The following TRANK1 variants were observed in gnomAD, a reference collection of about 807,000 sequenced individuals.
The protein encoded by TRANK1 is tetratricopeptide repeat and ankyrin repeat containing 1.
TRANK1 carries 198 observed loss-of-function variants against 266.0 expected under a neutral mutation model. The ratio of observed to expected loss-of-function variants is 0.74; its 90% CI spans 0.66 to 0.84. TRANK1 has a LOEUF of 0.84. TRANK1 is among the 40% of genes least tolerant of loss of function. The probability of loss-of-function intolerance (pLI) is 0.00; values close to 1 mark genes in which losing one functional copy is unlikely to be tolerated. For synonymous variants in TRANK1, 1,396 were observed against 1,384.1 expected (o/e 1.01, Z -0.19); for missense variants, 3,326 against 3,634.6 (o/e 0.92, Z 2.18).
In TRANK1 at chr3:36,857,286, A is replaced by G; in HGVS notation, c.2436T>C (p.Asp812=). The change falls in exon 13 of 24, where the codon GAT becomes GAC. Residue 812 remains aspartate, a synonymous_variant. Transcript: ENST00000645898. The surrounding 1 kb of genome is among the most constrained non-coding windows in gnomAD (Gnocchi z 4.3). ...PDDNRGKEGN[D]DQDDWSTQEI... ...CCTGCGTGCTCCAGTCATCCTGATC[A>G]TCATTGCCCTCCTTCCCCCTGTTAT... The G allele has an allele frequency of 1.9e-6, 3 of 1,610,364 alleles. No individual in the cohort carries two copies. The highest frequency in any genetic ancestry group is 2.2e-5 in the East Asian group (1 of 44,868).
At chr3:36,878,234 A>G (rs1487895776) in intron 8 of TRANK1, among the ~76,000 whole-genome samples, 1 of 152,178 alleles carries the variant, frequency 6.6e-6, no homozygotes, top group Non-Finnish European at 1.5e-5. Flanking sequence ...TTGAGAATCT[A>G]ACTAATGCCT....
chr3:36,832,132 G>C lies in TRANK1; in HGVS notation c.7451C>G (p.Ala2484Gly). ...CAGGAACTCCCAGTAGTGCAAGAGT[G>C]CAATGTAGCTCTTGGGGAGGCATAG... is the stretch of plus-strand genomic sequence containing the variant. The part of the protein sequence containing the change: ...VILCLPKSYI[A>G]LLHYWEFLFS... Residue 2484 changes from alanine (A) to glycine (G), a missense_variant, in exon 22 of 24, where the codon GCA becomes GGA. Ala to Gly is a moderately conservative substitution (Grantham distance 60). Transcript: ENST00000645898. 1 of 1,613,956 alleles carries C rather than the reference G, an allele frequency of 6.2e-7. No homozygotes were observed. Among genetic ancestry groups the C allele is most frequent in the Non-Finnish European group, 8.5e-7 (1 of 1,179,876 alleles).
At chr3:36,943,008 C>T (rs971393092) in intron 1 of TRANK1, among the ~76,000 whole-genome samples, 18 of 152,236 alleles carry the variant, frequency 1.2e-4, no homozygotes, top group South Asian at 8.3e-4. Flanking sequence ...TGGCGAAACA[C>T]CGTCTCCACT....
chr3:36,923,002 G>A (rs887026999), intron 1 of TRANK1, among the ~76,000 whole-genome samples: 2 of 152,106 alleles, frequency 1.3e-5, no homozygotes, highest in Non-Finnish European at 2.9e-5. Context: ...GTGCTCCTGT[G>A]CAAATAACTT....
chr3:36,914,692 C>A (rs2080101225), intron 1 of TRANK1, among the ~76,000 whole-genome samples: 1 of 151,978 alleles, frequency 6.6e-6, no homozygotes, highest in South Asian at 2.1e-4. Context: ...GGCTGGAGTG[C>A]AATGGCGCGA....
Position 36,908,342 on chromosome 3 carries a change from G to A in TRANK1, c.136C>T (p.Leu46=). The A allele has an allele frequency of 8.1e-7, 1 of 1,232,242 alleles. No homozygotes were observed. Among genetic ancestry groups the A allele is most frequent in the Non-Finnish European group, 1.0e-6 (1 of 987,986 alleles). 76.3% of individuals were successfully genotyped at this position (1,232,242 alleles called of 1,614,324 possible). The change falls in exon 2 of 24, where the codon CTG becomes TTG. Residue 46 remains leucine, a synonymous_variant. Coordinates refer to ENST00000645898, the MANE Select transcript of TRANK1 (RefSeq NM_001329998.2). ...RKYDEAIQIL[L]QLYQWGVPPR... is the part of the protein sequence containing the mutation. Reference sequence around the variant, plus strand: ...ACTTACCCCCACTGGTATAACTGCAGGAGAATCTGGATGGCTTCATCGTAC... The same window carrying A: ...ACTTACCCCCACTGGTATAACTGCAAGAGAATCTGGATGGCTTCATCGTAC...
chr3:36,927,549 C>T (rs1213985397), intron 1 of TRANK1, among the ~76,000 whole-genome samples: 1 of 152,186 alleles, frequency 6.6e-6, no homozygotes, highest in Non-Finnish European at 1.5e-5. Flanking sequence ...CCTATAAAAT[C>T]CCCGGCAAGA....
At chr3:36,899,350 C>A (rs890283903) in intron 3 of TRANK1, 91 bp from the exon 4 acceptor site, 5 of 1,402,350 alleles carry the variant, frequency 3.6e-6, no homozygotes, top group South Asian at 1.4e-5. Context: ...CATGGGAAAT[C>A]CAACTCTAAA....
intron 23 of TRANK1, among the ~76,000 whole-genome samples, chr3:36,828,905 C>T (rs1159023308): frequency 6.6e-6 from 1 of 152,178 alleles, no homozygotes; most frequent in Admixed American, 6.5e-5. Context: ...TTTTCCCCAC[C>T]TCTGGGGTCT....
At chr3:36,914,428 ACTGCACCCAG>A (rs2080097352) in intron 1 of TRANK1, among the ~76,000 whole-genome samples, 1 of 148,334 alleles carries the variant, frequency 6.7e-6, no homozygotes, top group South Asian at 2.1e-4. Flanking sequence ...GACATGAGCC[ACTGCACCCAG>A]CTGGTGTCTT....
intron 8 of TRANK1, among the ~76,000 whole-genome samples, chr3:36,875,699 AAACT>A (rs1399808808): frequency 6.6e-5 from 10 of 152,254 alleles, no homozygotes; most frequent in African/African-American, 2.2e-4. Flanking sequence ...AGGACAATTA[AAACT>A]AACTGATACC....
Position 36,832,135 on chromosome 3 carries a change from A to T in TRANK1, c.7448T>A (p.Ile2483Asn), listed in dbSNP as rs1218429095. 1 of 1,613,840 alleles carries T rather than the reference A, an allele frequency of 6.2e-7. No individual in the cohort carries two copies. Among genetic ancestry groups the T allele is most frequent in the South Asian group, 1.1e-5 (1 of 91,084 alleles). Residue 2483 changes from isoleucine to asparagine, a missense_variant, in exon 22 of 24, where the codon ATT becomes AAT. Transcript: ENST00000645898. The part of the protein sequence containing the change: ...NVILCLPKSY[I>N]ALLHYWEFLF... The stretch of plus-strand genomic sequence containing the variant: ...GAACTCCCAGTAGTGCAAGAGTGCA[A>T]TGTAGCTCTTGGGGAGGCATAGAAT...
At chr3:36,900,846 T>C (rs1297127548) in intron 3 of TRANK1, among the ~76,000 whole-genome samples, 2 of 13,058 alleles carry the variant, frequency 1.5e-4, no homozygotes, top group East Asian at 1.6e-3. Flanking sequence ...AGCAAGACCC[T>C]GTCTCAAAAA....
Position 36,858,165 on chromosome 3 carries a change from A to C in TRANK1, c.1673-116T>G, listed in dbSNP as rs935804088. On this transcript the variant is annotated intron_variant, in intron 12 of 23. Coordinates refer to ENST00000645898, the MANE Select transcript of TRANK1 (RefSeq NM_001329998.2). ...GCATCTCAGAATGCTGAACTCCCCC[A>C]AAAAATCTGAAATCCATTAAAGAGC... is the stretch of plus-strand genomic sequence containing the variant. 4.0e-5 allele frequency: 33 copies of C among 820,900 alleles called. No individual in the cohort carries two copies. The East Asian group carries it at 8.1e-4, about 20-fold the overall frequency. 50.9% of individuals were successfully genotyped at this position (820,900 alleles called of 1,614,324 possible).
intron 1 of TRANK1, among the ~76,000 whole-genome samples, chr3:36,925,622 G>A (rs1445211691): frequency 5.6e-5 from 8 of 141,634 alleles, no homozygotes; most frequent in South Asian, 4.3e-4. Context: ...ACGGAGTCTC[G>A]CTCTGTCACC....
chr3:36,874,068 T>C (rs1237293896), intron 9 of TRANK1, 58 bp downstream of exon 9: 13 of 1,446,732 alleles, frequency 9.0e-6, no homozygotes, highest in Non-Finnish European at 1.1e-5. Context: ...CTGATTTGTA[T>C]CTAATGTCAC....
At chr3:36,874,033 T>C (rs4510338) in intron 9 of TRANK1, 93 bp downstream of exon 9, 320,601 of 1,141,056 alleles carry the variant, frequency 0.28, 50,673 homozygotes, top group East Asian at 0.54. Context: ...TGTGTGTATA[T>C]ATATATATAC....
In TRANK1 at chr3:36,890,027, C is replaced by G. The variant is rs1254921519; in HGVS notation, c.776-67G>C. On this transcript the variant is annotated intron_variant, in intron 7 of 23. Transcript: ENST00000645898. ...AGAAAGTCAGCAAAGTTAATTTGTG[C>G]AGAAGCAATAGATTAAAAAGAAAGA... 7.3e-6 allele frequency: 11 copies of G among 1,511,718 alleles called. No individual in the cohort carries two copies. The East Asian group carries it at 2.5e-4, about 34-fold the overall frequency. The allele number at this position is 1,511,718 out of a possible 1,614,324, so 93.6% of individuals were successfully genotyped here. A position where few individuals can be genotyped will look rare whatever the true frequency, so the allele number is the denominator to read the frequency against.
intron 8 of TRANK1, among the ~76,000 whole-genome samples, chr3:36,876,500 G>C (rs561835472): frequency 3.9e-5 from 6 of 152,334 alleles, no homozygotes; most frequent in Admixed American, 3.9e-4. Context: ...TATCCTCTTT[G>C]ACTGAGATTG....
Sources: allele counts gnomAD v4.1 joint callset (sites outside exome capture counted in the v4.1 genomes callset), GRCh38; gene constraint gnomAD v4.1.1; non-coding constraint Gnocchi (gnomAD v3.1); transcripts MANE v1.5; gene names NCBI Gene and HGNC (gene_info 2026-07-23, HGNC 2026-07-21).